Variants in KATNIP observed in about 807,000 individuals in gnomAD.
KATNIP encodes katanin interacting protein, also known as katanin-interacting protein.
KATNIP carries 126 observed loss-of-function variants against 174.0 expected under a neutral mutation model. The ratio of observed to expected loss-of-function variants is 0.72; its 90% CI spans 0.63 to 0.84. KATNIP has a LOEUF of 0.84. Ranked by LOEUF, KATNIP falls within the 40% of genes least tolerant of loss-of-function variation. The pLI, the probability that KATNIP is intolerant of heterozygous loss-of-function variation, is 0.00. For missense variants in KATNIP, 1,958 were observed against 2,109.7 expected, an observed-to-expected ratio of 0.93 and a Z score of 1.41; for synonymous variants, 810 against 835.7, an observed-to-expected ratio of 0.97 and a Z score of 0.53.
At chr16:27,631,590 G>T (rs207475833) in intron 5 of KATNIP, among the ~76,000 whole-genome samples, 2 of 151,754 alleles carry the variant, frequency 1.3e-5, no homozygotes, top group African/African-American at 2.4e-5. Context: ...GGGTCTGGCT[G>T]GGCATGGTAG....
chr16:27,634,829 A>G (rs543208078), intron 5 of KATNIP, among the ~76,000 whole-genome samples: 1 of 152,320 alleles, frequency 6.6e-6, no homozygotes, highest in South Asian at 2.1e-4. Context: ...TGGCAAGTCT[A>G]TACACATAGA....
At chr16:27,564,140 G>A (rs1223534926) in intron 1 of KATNIP, among the ~76,000 whole-genome samples, 1 of 152,146 alleles carries the variant, frequency 6.6e-6, no homozygotes, top group East Asian at 1.9e-4. Context: ...GAATGAGCAG[G>A]TTCCAGATCT....
intron 2 of KATNIP, among the ~76,000 whole-genome samples, chr16:27,575,029 C>G (rs1485109259): frequency 6.6e-6 from 1 of 152,204 alleles, no homozygotes; most frequent in African/African-American, 2.4e-5. Flanking sequence ...GGGACCAGGA[C>G]TAGAGGTTAA....
chr16:27,668,579 A>G (rs1399268221), intron 6 of KATNIP, among the ~76,000 whole-genome samples: 1 of 152,214 alleles, frequency 6.6e-6, no homozygotes, highest in Non-Finnish European at 1.5e-5. Flanking sequence ...AAACGGACTA[A>G]TACAGAGTCA....
chr16:27,711,819 C>A (rs1218347239), intron 13 of KATNIP, among the ~76,000 whole-genome samples: 1 of 152,214 alleles, frequency 6.6e-6, no homozygotes, highest in African/African-American at 2.4e-5. Context: ...TCTGAGTCCC[C>A]TTCTAGATCA....
At chr16:27,591,725 TG>T in intron 2 of KATNIP, among the ~76,000 whole-genome samples, 1 of 152,356 alleles carries the variant, frequency 6.6e-6, no homozygotes, top group East Asian at 1.9e-4. Flanking sequence ...TGTCTTAGTC[TG>T]AGCAAATATT....
chr16:27,742,243 C>T (rs759823378), intron 15 of KATNIP, among the ~76,000 whole-genome samples: 2 of 152,120 alleles, frequency 1.3e-5, no homozygotes, highest in Non-Finnish European at 2.9e-5. Flanking sequence ...CAAACTCAGC[C>T]GCTTACAGAC....
At chr16:27,713,805 TATAC>T (rs1447875006) in intron 13 of KATNIP, among the ~76,000 whole-genome samples, 12 of 45,446 alleles carry the variant, frequency 2.6e-4, no homozygotes, top group African/African-American at 8.4e-4. Context: ...TGTGTGTGTA[TATAC>T]ATATATATAT....
At chr16:27,641,456 C>G (rs945977278) in intron 5 of KATNIP, among the ~76,000 whole-genome samples, 1 of 152,274 alleles carries the variant, frequency 6.6e-6, no homozygotes, top group East Asian at 1.9e-4. Context: ...GAATCGCATG[C>G]TCTGATTGGC....
chr16:27,564,656 C>T (rs952959648), intron 1 of KATNIP, among the ~76,000 whole-genome samples: 20 of 151,986 alleles, frequency 1.3e-4, no homozygotes, highest in Admixed American at 1.3e-4. Context: ...TCAGGCTTTC[C>T]AAAAAGGAAG....
chr16:27,677,823 T>G lies in KATNIP; in HGVS notation c.635T>G (p.Leu212Arg). ...TATGACTCTATTGAGGAAGACATAC[T>G]CTCTGAGCCTGAGCCAGAGGACCCG... is the stretch of plus-strand genomic sequence containing the variant. ...DEYDSIEEDI[L>R]SEPEPEDPAL... Residue 212 changes from leucine to arginine, a missense_variant, in exon 7 of 28, where the codon CTC (leucine) becomes CGC (arginine). Physicochemically the swap from Leu to Arg is moderately radical, Grantham distance 102 (BLOSUM62 -2). Coordinates refer to ENST00000261588, the MANE Select transcript of KATNIP (RefSeq NM_015202.5). 1.9e-6 allele frequency: 3 copies of G among 1,614,166 alleles called. No individual in the cohort carries two copies. The highest frequency in any genetic ancestry group is 2.5e-6 in the Non-Finnish European group (3 of 1,180,022).
In KATNIP at chr16:27,771,611, G is replaced by A. The variant is rs1597422188; in HGVS notation, c.4157G>A (p.Cys1386Tyr). 1 of 1,613,646 alleles carries A rather than the reference G, an allele frequency of 6.2e-7. No individual in the cohort carries two copies. The highest frequency in any genetic ancestry group is 2.2e-5 in the East Asian group (1 of 44,876). ...ARRLDMRSLE[C>Y]ASMDYEAPLM... ...AGGCTGGACATGAGAAGCCTGGAGT[G>A]TGCAAGCATGGACTACGAGGCACCG... The change falls in exon 22 of 28, where the codon TGT (cysteine) becomes TAT (tyrosine). Residue 1386 changes from cysteine (C) to tyrosine (Y), a missense_variant. Cys to Tyr is a radical substitution (Grantham distance 194). This residue lies in a region of KATNIP where 383 missense variants were observed against 456.0 expected (regional missense o/e 0.84). Coordinates refer to ENST00000261588, the MANE Select transcript of KATNIP (RefSeq NM_015202.5).
intron 14 of KATNIP, 99 bp downstream of exon 14, chr16:27,721,794 C>T (rs769257866): frequency 3.4e-5 from 46 of 1,369,114 alleles, no homozygotes; most frequent in Non-Finnish European, 3.9e-5. Context: ...AATGGATACA[C>T]GGAAGCCCTG....
chr16:27,665,837 G>A (rs1239685656), intron 6 of KATNIP, among the ~76,000 whole-genome samples: 4 of 151,654 alleles, frequency 2.6e-5, no homozygotes, highest in Non-Finnish European at 5.9e-5. Context: ...CTGGCCTCAG[G>A]TGATCCACCC....
intron 3 of KATNIP, among the ~76,000 whole-genome samples, chr16:27,619,018 A>G (rs1216654290): frequency 6.6e-6 from 1 of 152,230 alleles, no homozygotes; most frequent in Non-Finnish European, 1.5e-5. Flanking sequence ...TGTAGCGATC[A>G]AGGTCAAAAC....
chr16:27,655,078 A>G (rs981689114), intron 6 of KATNIP, among the ~76,000 whole-genome samples: 2 of 150,874 alleles, frequency 1.3e-5, no homozygotes, highest in African/African-American at 4.9e-5. Context: ...GCAGTGAGCT[A>G]TGATTGTGCT....
rs2076714881 is a variant in KATNIP, at chr16:27,638,860, A to G, written c.408+7698A>G. Among the ~76,000 whole-genome samples the G allele has an allele frequency of 5.6e-5, 6 of 107,504 alleles. No individual in the cohort carries two copies. The South Asian group carries it at 8.4e-4, about 15-fold the overall frequency. The allele number at this position is 107,504 out of a possible 152,430, so 70.5% of individuals were successfully genotyped here. ...ATTTTTTTTTTTTTTTTTTTTTGAG[A>G]CAGGTTCTTGCTATGTAGCCCACAC... On this transcript the variant is annotated intron_variant, in intron 5 of 27. Transcript: ENST00000261588.
intron 2 of KATNIP, among the ~76,000 whole-genome samples, chr16:27,597,938 T>A (rs1305744562): frequency 1.3e-5 from 2 of 152,102 alleles, no homozygotes; most frequent in Non-Finnish European, 2.9e-5. Context: ...CTTAAGAACA[T>A]GCATTTGGGC....
chr16:27,706,574 T>C (rs1483487231), intron 12 of KATNIP, among the ~76,000 whole-genome samples: 1 of 152,114 alleles, frequency 6.6e-6, no homozygotes, highest in Non-Finnish European at 1.5e-5. Flanking sequence ...GGATCCCAAA[T>C]TGGGCAGTGC....
Sources: allele counts gnomAD v4.1 joint callset (sites outside exome capture counted in the v4.1 genomes callset), GRCh38; gene constraint gnomAD v4.1.1; regional missense constraint gnomAD v4.1.1; transcripts MANE v1.5; gene names NCBI Gene and HGNC (gene_info 2026-07-23, HGNC 2026-07-21).